The following HS6ST3 variants were observed in gnomAD, a reference collection of about 807,000 sequenced individuals.
The protein encoded by HS6ST3 is heparan-sulfate 6-O-sulfotransferase 3.
In HS6ST3, 12 loss-of-function variants were observed where a neutral mutation model predicts 36.7. The ratio of observed to expected loss-of-function variants is 0.33; its 90% CI spans 0.21 to 0.53. The LOEUF (loss-of-function observed/expected upper bound fraction) is 0.53, where lower values mean the gene tolerates loss of function less well. Ranked by LOEUF, HS6ST3 falls within the 20% of genes least tolerant of loss-of-function variation. The probability of loss-of-function intolerance (pLI) is 0.95; values close to 1 mark genes in which losing one functional copy is unlikely to be tolerated. For synonymous variants in HS6ST3, 240 were observed against 257.5 expected (o/e 0.93, Z 0.65); for missense variants, 584 against 640.9 (o/e 0.91, Z 0.96).
chr13:96,531,140 C>T (rs1025277932), intron 1 of HS6ST3, among the ~76,000 whole-genome samples: 2 of 152,138 alleles, frequency 1.3e-5, no homozygotes, highest in Admixed American at 1.3e-4. Flanking sequence ...CTCCTTTCTG[C>T]CCTCATCATT....
chr13:96,491,458 G>A (rs1203271321), intron 1 of HS6ST3, among the ~76,000 whole-genome samples: 3 of 122,460 alleles, frequency 2.4e-5, no homozygotes, highest in Admixed American at 1.0e-4. Context: ...CTTTATAATT[G>A]TAGTACTAAT....
chr13:96,473,793 A>C (rs1457070483), intron 1 of HS6ST3, among the ~76,000 whole-genome samples: 4 of 152,208 alleles, frequency 2.6e-5, no homozygotes, highest in Non-Finnish European at 4.4e-5. Flanking sequence ...GGCTGGCCAA[A>C]GTCAAGAGGC....
chr13:96,693,013 A>G (rs1028593591), intron 1 of HS6ST3, among the ~76,000 whole-genome samples: 1 of 152,176 alleles, frequency 6.6e-6, no homozygotes, highest in Non-Finnish European at 1.5e-5. Context: ...TAAGTTTCAC[A>G]TTCAGGCACA....
chr13:96,402,275 G>A (rs1214852439), intron 1 of HS6ST3, among the ~76,000 whole-genome samples: 1 of 152,184 alleles, frequency 6.6e-6, no homozygotes, highest in Non-Finnish European at 1.5e-5. Flanking sequence ...ATAAAGTGGA[G>A]ATAACAATAG....
intron 1 of HS6ST3, among the ~76,000 whole-genome samples, chr13:96,191,163 C>T (rs919680526): frequency 6.6e-6 from 1 of 152,180 alleles, no homozygotes; most frequent in African/African-American, 2.4e-5. Context: ...GCTACTTCCT[C>T]AGTCCATGCC....
At chr13:96,267,576 A>G (rs1250991828) in intron 1 of HS6ST3, among the ~76,000 whole-genome samples, 3 of 152,144 alleles carry the variant, frequency 2.0e-5, no homozygotes, top group South Asian at 4.1e-4. Flanking sequence ...TTTCCAAGGC[A>G]CTGTGTAAAT....
chr13:96,242,613 A>G (rs1056773365), intron 1 of HS6ST3, among the ~76,000 whole-genome samples: 3 of 151,338 alleles, frequency 2.0e-5, no homozygotes, highest in Non-Finnish European at 4.4e-5. Flanking sequence ...TTCCAGGTTG[A>G]TCCATGGTGT....
intron 1 of HS6ST3, among the ~76,000 whole-genome samples, chr13:96,598,968 T>G (rs1566407691): frequency 6.6e-6 from 1 of 152,096 alleles, no homozygotes; most frequent in Non-Finnish European, 1.5e-5. Context: ...GTGTTCAGAT[T>G]TATTGACTTG....
intron 1 of HS6ST3, among the ~76,000 whole-genome samples, chr13:96,444,195 T>C (rs951859316): frequency 1.3e-5 from 2 of 152,162 alleles, no homozygotes; most frequent in Admixed American, 1.3e-4. Flanking sequence ...ATAAAAAACT[T>C]TGATAAAAAA....
In HS6ST3 at chr13:96,090,941, TC is replaced by T; in HGVS notation, c.84del (p.Ser29ProfsTer103). ...CGTGGTCATCATGTACCAGTACGTG[TC>T]CCCCTCCTGCACCAGCTCCTGCACC... ...LFVVIMYQYV[S>X]PSCTSSCTNF... On this transcript the variant is annotated frameshift_variant, in exon 1 of 2. Coordinates refer to ENST00000376705, the MANE Select transcript of HS6ST3 (RefSeq NM_153456.4). LOFTEE classifies it high-confidence loss of function. The T allele has an allele frequency of 2.7e-6, 4 of 1,478,812 alleles. No individual in the cohort carries two copies. The highest frequency in any genetic ancestry group is 1.3e-5 in the South Asian group (1 of 75,906). 91.6% of individuals were successfully genotyped at this position (1,478,812 alleles called of 1,614,324 possible).
chr13:96,748,760 C>T (rs1876625087), intron 1 of HS6ST3, among the ~76,000 whole-genome samples: 1 of 151,964 alleles, frequency 6.6e-6, no homozygotes, highest in Non-Finnish European at 1.5e-5. Context: ...TTGTAGTAGA[C>T]CCTCAAAAAT....
chr13:96,468,514 A>T (rs1413613808), intron 1 of HS6ST3, among the ~76,000 whole-genome samples: 9 of 147,692 alleles, frequency 6.1e-5, no homozygotes, highest in East Asian at 2.0e-4. Flanking sequence ...ACACACACAC[A>T]CTCCATAATA....
intron 1 of HS6ST3, among the ~76,000 whole-genome samples, chr13:96,698,662 G>A (rs555398633): frequency 1.9e-4 from 29 of 152,188 alleles, no homozygotes; most frequent in African/African-American, 5.3e-4. Flanking sequence ...AATCAATATC[G>A]TGAAAATGGC....
chr13:96,685,249 G>T (rs1478901349), intron 1 of HS6ST3, among the ~76,000 whole-genome samples: 1 of 152,028 alleles, frequency 6.6e-6, no homozygotes, highest in East Asian at 1.9e-4. Context: ...TGATTATTTT[G>T]CTTAAGTCAA....
chr13:96,454,456 G>A (rs1160499371), intron 1 of HS6ST3, among the ~76,000 whole-genome samples: 1 of 152,010 alleles, frequency 6.6e-6, no homozygotes, highest in Non-Finnish European at 1.5e-5. Context: ...TTAAGTGAAC[G>A]ACTTAGCATT....
chr13:96,260,264 T>G (rs1251370619), intron 1 of HS6ST3, among the ~76,000 whole-genome samples: 1 of 150,100 alleles, frequency 6.7e-6, no homozygotes, highest in Non-Finnish European at 1.5e-5. Context: ...CCTTCCTTCC[T>G]TCCTTTCTTC....
intron 1 of HS6ST3, among the ~76,000 whole-genome samples, chr13:96,102,824 C>T (rs1297271190): frequency 2.0e-5 from 3 of 152,124 alleles, no homozygotes; most frequent in Admixed American, 6.5e-5. Flanking sequence ...ACTAATGATA[C>T]ATGGAACAAG....
rs1555326624 is a variant in HS6ST3 at position 96,831,977 on chromosome 13, A to AAAAAAC, written c.708-510_708-509insAACAAA. Among the ~76,000 whole-genome samples, 19 of 116,042 alleles carry AAAAAAC rather than the reference A, an allele frequency of 1.6e-4. 1 individual carries two copies. The highest frequency in any genetic ancestry group is 5.2e-4 in the African/African-American group (16 of 30,626). 76.1% of individuals were successfully genotyped at this position (116,042 alleles called of 152,430 possible). A position where few individuals can be genotyped will look rare whatever the true frequency, so the allele number is the denominator to read the frequency against. On this transcript the variant is annotated intron_variant, in intron 1 of 1. Coordinates refer to ENST00000376705, the MANE Select transcript of HS6ST3 (RefSeq NM_153456.4). ...CTCAAAAAAAAAAAAAAAAAAAAAAAAAACAGAGATTAAGGAGAATACATG... is the reference window on the plus strand; with the variant it reads ...CTCAAAAAAAAAAAAAAAAAAAAAAAAAAAACAAACAGAGATTAAGGAGAATACATG...
At chr13:96,685,343 G>C (rs775569931) in intron 1 of HS6ST3, among the ~76,000 whole-genome samples, 1 of 152,040 alleles carries the variant, frequency 6.6e-6, no homozygotes, top group Non-Finnish European at 1.5e-5. Context: ...TACGACTACT[G>C]GATGTGGAAG....
Sources: gnomAD v4.1 joint callset for allele counts (sites outside exome capture counted in the v4.1 genomes callset) on GRCh38, gnomAD v4.1.1 for gene constraint, MANE v1.5 for transcripts, NCBI Gene and HGNC (gene_info 2026-07-23, HGNC 2026-07-21) for gene names.